PAX7: variants seen among roughly 807,000 people sequenced by gnomAD.
PAX7 encodes paired box 7, also known as paired box protein Pax-7.
In PAX7, 18 loss-of-function variants were observed where a neutral mutation model predicts 50.7. The ratio of observed to expected loss-of-function variants is 0.36; its 90% CI spans 0.25 to 0.53. PAX7 has a LOEUF of 0.53. Ranked by LOEUF, PAX7 falls within the 20% of genes least tolerant of loss-of-function variation. The pLI, the probability that PAX7 is intolerant of heterozygous loss-of-function variation, is 0.93. For synonymous variants in PAX7, 310 were observed against 290.4 expected (o/e 1.07, Z -0.69); for missense variants, 644 against 702.9 (o/e 0.92, Z 0.95).
chr1:18,714,363 TA>T (rs1219101523), intron 7 of PAX7, among the ~76,000 whole-genome samples: 1 of 152,150 alleles, frequency 6.6e-6, no homozygotes, highest in Non-Finnish European at 1.5e-5. Flanking sequence ...CTTGCAGGCT[TA>T]TGAGAATTAA....
chr1:18,717,500 T>A (rs1332519441), intron 7 of PAX7, among the ~76,000 whole-genome samples: 1 of 152,162 alleles, frequency 6.6e-6, no homozygotes, highest in Non-Finnish European at 1.5e-5. Context: ...GCTCTGCTCA[T>A]CTCTCTGGTC....
At chr1:18,639,612 G>C (rs1425775617) in intron 4 of PAX7, among the ~76,000 whole-genome samples, 1 of 152,164 alleles carries the variant, frequency 6.6e-6, no homozygotes, top group Non-Finnish European at 1.5e-5. Context: ...CCAACAGGGA[G>C]GGGATTTGAG....
At chr1:18,674,815 A>G (rs1424934140) in intron 4 of PAX7, among the ~76,000 whole-genome samples, 1 of 152,158 alleles carries the variant, frequency 6.6e-6, no homozygotes, top group Non-Finnish European at 1.5e-5. Context: ...CTGCATTTCT[A>G]TAGAACAGTG....
chr1:18,683,876 G>A (rs1237450759), intron 4 of PAX7, among the ~76,000 whole-genome samples: 2 of 152,190 alleles, frequency 1.3e-5, no homozygotes, highest in African/African-American at 4.8e-5. Flanking sequence ...CTTGTGGAGT[G>A]TGCGGTGGGT....
intron 8 of PAX7, among the ~76,000 whole-genome samples, chr1:18,742,937 A>G (rs1338900889): frequency 2.0e-5 from 3 of 152,198 alleles, no homozygotes; most frequent in African/African-American, 7.2e-5. Context: ...CCCATTCTGC[A>G]GACAAGGAAG....
chr1:18,729,325 C>G (rs989674799), intron 7 of PAX7, among the ~76,000 whole-genome samples: 8 of 152,308 alleles, frequency 5.3e-5, no homozygotes, highest in Non-Finnish European at 8.8e-5. Flanking sequence ...GAACCACACC[C>G]AAGACAGGGG....
intron 7 of PAX7, among the ~76,000 whole-genome samples, chr1:18,724,096 G>C (rs372192446): frequency 6.6e-6 from 1 of 152,172 alleles, no homozygotes; most frequent in Non-Finnish European, 1.5e-5. Flanking sequence ...TGGGCCGGCC[G>C]GGAACCACCC....
At chr1:18,649,257 G>A (rs545525749) in intron 4 of PAX7, among the ~76,000 whole-genome samples, 56 of 152,268 alleles carry the variant, frequency 3.7e-4, no homozygotes, top group Non-Finnish European at 6.3e-4. Context: ...CCAGGAATTA[G>A]GAAGGCATGG....
intron 3 of PAX7, among the ~76,000 whole-genome samples, chr1:18,635,617 C>G (rs188416313): frequency 6.6e-6 from 1 of 151,928 alleles, no homozygotes; most frequent in South Asian, 2.1e-4. Flanking sequence ...GATAAGAGAG[C>G]CCCCCTGGAG....
At chr1:18,724,701 C>G (rs976878543) in intron 7 of PAX7, among the ~76,000 whole-genome samples, 1 of 152,250 alleles carries the variant, frequency 6.6e-6, no homozygotes, top group African/African-American at 2.4e-5. Context: ...CCAGTGCTTA[C>G]TAATTGTGGA....
chr1:18,741,772 C>T (rs1430325235), intron 8 of PAX7, among the ~76,000 whole-genome samples: 1 of 152,198 alleles, frequency 6.6e-6, no homozygotes, highest in African/African-American at 2.4e-5. Context: ...CTTACATTGC[C>T]TGGAGCAGAA....
chr1:18,705,094 A>C (rs960731966), intron 7 of PAX7, among the ~76,000 whole-genome samples: 2 of 152,230 alleles, frequency 1.3e-5, no homozygotes, highest in African/African-American at 4.8e-5. Context: ...TACTTGGCTG[A>C]CCTTGTCAGC....
At chr1:18,661,327 T>C (rs957823183) in intron 4 of PAX7, among the ~76,000 whole-genome samples, 10 of 152,298 alleles carry the variant, frequency 6.6e-5, no homozygotes, top group African/African-American at 2.4e-4. Flanking sequence ...CTTTATTTTT[T>C]CAAACTCACA....
intron 1 of PAX7, among the ~76,000 whole-genome samples, 182 bp downstream of exon 1, chr1:18,631,870 CT>C (rs2100411302): frequency 6.6e-6 from 1 of 152,334 alleles, no homozygotes; most frequent in Admixed American, 6.5e-5. Flanking sequence ...TTGTCCGCTT[CT>C]GCGTGGGTTT....
Position 18,634,241 on chromosome 1 carries a change from G to A in PAX7, c.86-62G>A, listed in dbSNP as rs2088106827. Reference sequence around the variant, plus strand: ...AAACTGGAGTCAGGGAGTGTACTCAGTGTCTGCTCTCCATCCTCACCCTGC... The same window carrying A: ...AAACTGGAGTCAGGGAGTGTACTCAATGTCTGCTCTCCATCCTCACCCTGC... On this transcript the variant is annotated intron_variant, in intron 1 of 8. Coordinates refer to ENST00000420770, the MANE Select transcript of PAX7 (RefSeq NM_001135254.2). The surrounding 1 kb of genome is among the most constrained non-coding windows in gnomAD (Gnocchi z 4.0). 3.0e-6 allele frequency: 4 copies of A among 1,341,504 alleles called. No individual in the cohort carries two copies. The highest frequency in any genetic ancestry group is 1.4e-5 in the African/African-American group (1 of 69,492). The allele number at this position is 1,341,504 out of a possible 1,614,324, so 83.1% of individuals were successfully genotyped here.
chr1:18,665,162 A>T (rs1203505334), intron 4 of PAX7, among the ~76,000 whole-genome samples: 2 of 152,102 alleles, frequency 1.3e-5, no homozygotes, highest in African/African-American at 4.8e-5. Flanking sequence ...AGTAAAGGTT[A>T]GCAGCTTATT....
chr1:18,710,513 G>A (rs1266791993), intron 7 of PAX7, among the ~76,000 whole-genome samples: 1 of 152,000 alleles, frequency 6.6e-6, no homozygotes, highest in African/African-American at 2.4e-5. Flanking sequence ...CAGGAAGATG[G>A]GGAGGGGGAT....
Position 18,700,792 on chromosome 1 carries a change from C to T in PAX7, c.926C>T (p.Thr309Ile). The T allele has an allele frequency of 6.4e-7, 1 of 1,560,830 alleles. No homozygotes were observed. Among genetic ancestry groups the T allele is most frequent in the Non-Finnish European group, 8.7e-7 (1 of 1,153,084 alleles). The change falls in exon 6 of 9, where the codon ACC (threonine) becomes ATC (isoleucine). Residue 309 changes from threonine (T) to isoleucine (I), a missense_variant. Physicochemically the swap from Thr to Ile is moderately conservative, Grantham distance 89. Transcript: ENST00000420770. The surrounding 1 kb of genome is among the most constrained non-coding windows in gnomAD (Gnocchi z 4.8). ...TLPPYQLPDSTYPTTTISQDG... is the reference protein window; with the variant it reads ...TLPPYQLPDSIYPTTTISQDG... ...CCCCCCTACCAGCTGCCGGACTCCA[C>T]CTACCCCACCACCACCATCTCCCAA... is the stretch of plus-strand genomic sequence containing the variant.
intron 4 of PAX7, among the ~76,000 whole-genome samples, chr1:18,689,075 C>T (rs2089019365): frequency 6.6e-6 from 1 of 152,162 alleles, no homozygotes; most frequent in South Asian, 2.1e-4. Flanking sequence ...AGACTGCACT[C>T]CCTACAACTC....
Sources: gnomAD v4.1 joint callset for allele counts (sites outside exome capture counted in the v4.1 genomes callset) on GRCh38, gnomAD v4.1.1 for gene constraint, Gnocchi (gnomAD v3.1) non-coding constraint, MANE v1.5 for transcripts, NCBI Gene and HGNC (gene_info 2026-07-23, HGNC 2026-07-21) for gene names.